ROBO2: variants seen among roughly 807,000 people sequenced by gnomAD.
The protein encoded by ROBO2 is roundabout guidance receptor 2.
Under a neutral mutation model 160.8 loss-of-function variants are expected in ROBO2, and 53 were observed. The ratio of observed to expected loss-of-function variants is 0.33; its 90% CI spans 0.26 to 0.41. The LOEUF is 0.41. Ranked by LOEUF, ROBO2 falls within the 10% of genes least tolerant of loss-of-function variation. ROBO2 has a pLI of 1.00. For missense variants in ROBO2, 1,577 were observed against 1,722.4 expected (o/e 0.92, Z 1.49); for synonymous variants, 664 against 611.7 (o/e 1.09, Z -1.26).
chr3:76,672,619 AC>A (rs1191062788), intron 2 of ROBO2, among the ~76,000 whole-genome samples: 1 of 152,148 alleles, frequency 6.6e-6, no homozygotes, highest in Non-Finnish European at 1.5e-5. Context: ...TAAATTTTAT[AC>A]CTAGATGCTC....
intron 1 of ROBO2, among the ~76,000 whole-genome samples, chr3:77,075,753 A>G (rs2067928448): frequency 7.8e-6 from 1 of 127,786 alleles, no homozygotes; most frequent in South Asian, 2.4e-4. Flanking sequence ...ATCTCTGCTC[A>G]CTGTAACCTC....
intron 2 of ROBO2, among the ~76,000 whole-genome samples, chr3:76,351,352 G>A (rs2074863457): frequency 1.3e-5 from 2 of 151,904 alleles, no homozygotes; most frequent in Admixed American, 6.6e-5. Context: ...TAAAAGTAAT[G>A]TAAGAGTTAT....
chr3:77,213,126 G>A (rs147404809), intron 2 of ROBO2, among the ~76,000 whole-genome samples: 4,243 of 152,164 alleles, frequency 0.028, 68 homozygotes, highest in Middle Eastern at 0.054. Flanking sequence ...TTTTTCTGTT[G>A]ATTGGAATAG....
exon 4 of ROBO2, chr3:77,481,114 C>T (rs2084639297): frequency 6.2e-7 from 1 of 1,612,404 alleles, no homozygotes; most frequent in African/African-American, 1.3e-5. Flanking sequence ...TGGTGGAAAA[C>T]TGATGATCTC....
intron 2 of ROBO2, among the ~76,000 whole-genome samples, chr3:76,008,199 C>T (rs1276173846): frequency 2.4e-5 from 3 of 124,320 alleles, no homozygotes; most frequent in African/African-American, 6.2e-5. Context: ...CGCACCACTG[C>T]ACTCCAGACT....
intron 2 of ROBO2, among the ~76,000 whole-genome samples, chr3:77,126,779 C>CT (rs2075358716): frequency 1.6e-4 from 19 of 119,852 alleles, no homozygotes; most frequent in East Asian, 8.4e-4. Context: ...GATTTTGAAA[C>CT]TTCTTTTTTT....
rs573198464 is a variant in ROBO2 at position 76,955,085 on chromosome 3, A to G, written c.110-142929A>G. Among the ~76,000 whole-genome samples the G allele has an allele frequency of 6.4e-4, 98 of 152,226 alleles. 1 individual carries two copies. Among genetic ancestry groups the G allele is most frequent in the South Asian group, 3.3e-3 (16 of 4,822 alleles). ...TCTACCTTCTGTCTTTACGAATTTG[A>G]CTATTCTAGATATTTCATATAAGTG... On this transcript the variant is annotated intron_variant, in intron 2 of 26. Transcript: ENST00000487694.
At chr3:76,507,977 T>A (rs9853698) in intron 2 of ROBO2, among the ~76,000 whole-genome samples, 1 of 152,248 alleles carries the variant, frequency 6.6e-6, no homozygotes, top group African/African-American at 2.4e-5. Flanking sequence ...TGAACACTCC[T>A]CAGGATGTCT....
intron 2 of ROBO2, among the ~76,000 whole-genome samples, chr3:76,435,684 A>G (rs538059682): frequency 2.0e-5 from 3 of 152,326 alleles, no homozygotes; most frequent in South Asian, 4.1e-4. Context: ...TTCTTATGGA[A>G]CTGCCGACTA....
intron 2 of ROBO2, among the ~76,000 whole-genome samples, chr3:77,270,940 C>CT (rs201883503): frequency 2.2e-4 from 13 of 59,092 alleles, no homozygotes; most frequent in African/African-American, 3.5e-4. Context: ...AATACTCTGT[C>CT]TTTTTAAAAA....
intron 2 of ROBO2, among the ~76,000 whole-genome samples, chr3:77,164,393 G>GC (rs2078764980): frequency 8.2e-5 from 8 of 97,026 alleles, no homozygotes; most frequent in East Asian, 7.2e-4. Flanking sequence ...GGAGGTGGGG[G>GC]GTCAGCCCCC....
chr3:76,662,651 T>C (rs1481186182), intron 2 of ROBO2, among the ~76,000 whole-genome samples: 1 of 152,142 alleles, frequency 6.6e-6, no homozygotes, highest in Non-Finnish European at 1.5e-5. Context: ...GTGAATGTAA[T>C]ATCTCATCTA....
intron 2 of ROBO2, among the ~76,000 whole-genome samples, chr3:76,994,720 G>A (rs2060889009): frequency 6.6e-6 from 1 of 152,206 alleles, no homozygotes; most frequent in African/African-American, 2.4e-5. Flanking sequence ...TTACAGTTTT[G>A]TGAAATTATA....
At chr3:77,148,824 A>T (rs2150505312) in intron 2 of ROBO2, among the ~76,000 whole-genome samples, 1 of 152,312 alleles carries the variant, frequency 6.6e-6, no homozygotes, top group Non-Finnish European at 1.5e-5. Context: ...AATTTAGCTT[A>T]ATTAAAAGGT....
intron 2 of ROBO2, among the ~76,000 whole-genome samples, chr3:76,246,571 A>C (rs17140562): frequency 5.3e-5 from 8 of 151,950 alleles, no homozygotes; most frequent in Admixed American, 2.6e-4. Context: ...CATTTAAATA[A>C]TATCAAGTCA....
intron 2 of ROBO2, among the ~76,000 whole-genome samples, chr3:77,356,809 C>G (rs986820650): frequency 2.0e-5 from 3 of 151,912 alleles, no homozygotes; most frequent in Non-Finnish European, 2.9e-5. Flanking sequence ...ATATATGACA[C>G]GATATTTAAT....
intron 2 of ROBO2, among the ~76,000 whole-genome samples, chr3:76,769,678 C>A (rs1387193510): frequency 1.3e-5 from 2 of 151,414 alleles, no homozygotes; most frequent in Non-Finnish European, 3.0e-5. Flanking sequence ...TCACAATGAG[C>A]TATCCATCTA....
At chr3:76,851,982 G>T (rs1237355690) in intron 2 of ROBO2, among the ~76,000 whole-genome samples, 1 of 151,798 alleles carries the variant, frequency 6.6e-6, no homozygotes, top group Non-Finnish European at 1.5e-5. Context: ...AGGAGAGAAA[G>T]AAAAACTACA....
At chr3:76,447,914 G>T (rs1225378187) in intron 2 of ROBO2, among the ~76,000 whole-genome samples, 3 of 102,414 alleles carry the variant, frequency 2.9e-5, no homozygotes, top group Admixed American at 2.7e-4. Flanking sequence ...AGGGGGGAGG[G>T]ATAGCATTAG....
Sources: gnomAD v4.1 joint callset for allele counts (sites outside exome capture counted in the v4.1 genomes callset) on GRCh38, gnomAD v4.1.1 for gene constraint, MANE v1.5 for transcripts, NCBI Gene and HGNC (gene_info 2026-07-23, HGNC 2026-07-21) for gene names.